The following CTNNB1 variants were observed in gnomAD, a reference collection of about 807,000 sequenced individuals.
CTNNB1 encodes catenin beta 1, also known as catenin beta-1.
CTNNB1 carries 6 observed loss-of-function variants against 82.5 expected under a neutral mutation model. The observed-to-expected ratio is 0.07, with a 90% CI of 0.04 to 0.14. The LOEUF is 0.14. CTNNB1 is among the 10% of genes least tolerant of loss of function. The pLI, the probability that CTNNB1 is intolerant of heterozygous loss-of-function variation, is 1.00. For missense variants in CTNNB1, 529 were observed against 980.4 expected (o/e 0.54, Z 6.15); for synonymous variants, 312 against 329.7 (o/e 0.95, Z 0.58).
chr3:41,230,687 G>A (rs1305152856), intron 7 of CTNNB1, among the ~76,000 whole-genome samples: 1 of 152,140 alleles, frequency 6.6e-6, no homozygotes, highest in African/African-American at 2.4e-5. Context: ...AGGTCTCCTT[G>A]AAAAGGGGAT....
intron 1 of CTNNB1, among the ~76,000 whole-genome samples, chr3:41,213,361 C>CT (rs1181601212): frequency 2.0e-5 from 3 of 152,192 alleles, no homozygotes; most frequent in Non-Finnish European, 2.9e-5. Context: ...TTTGACCACT[C>CT]TAAGTGGGCC....
intron 1 of CTNNB1, among the ~76,000 whole-genome samples, chr3:41,218,029 T>G (rs1484892825): frequency 6.6e-6 from 1 of 152,216 alleles, no homozygotes; most frequent in African/African-American, 2.4e-5. Flanking sequence ...CGACTCATGC[T>G]TAATCAGTTC....
At chr3:41,238,864 G>A (rs2078503889) in intron 14 of CTNNB1, among the ~76,000 whole-genome samples, 1 of 152,186 alleles carries the variant, frequency 6.6e-6, no homozygotes, top group Admixed American at 6.5e-5. Context: ...AGAGTGTTCA[G>A]GGTTAGACTA....
At chr3:41,216,478 T>G (rs1369738131) in intron 1 of CTNNB1, among the ~76,000 whole-genome samples, 1 of 152,252 alleles carries the variant, frequency 6.6e-6, no homozygotes, top group African/African-American at 2.4e-5. Context: ...ACATGTAAAG[T>G]GACATTTGCT....
At chr3:41,220,378 A>ACACACCCACACCCACACC (rs771827410) in intron 1 of CTNNB1, among the ~76,000 whole-genome samples, 2 of 145,760 alleles carry the variant, frequency 1.4e-5, no homozygotes, top group African/African-American at 2.7e-5. Flanking sequence ...TTGAGAACAC[A>ACACACCCACACCCACACC]CACACCCACA....
chr3:41,210,189 C>A (rs912116326), intron 1 of CTNNB1, among the ~76,000 whole-genome samples: 1 of 152,090 alleles, frequency 6.6e-6, no homozygotes, highest in Non-Finnish European at 1.5e-5. Flanking sequence ...CGCGGTGGCT[C>A]ACGCCTGTAA....
intron 7 of CTNNB1, among the ~76,000 whole-genome samples, chr3:41,232,249 T>C (rs1332669430): frequency 1.3e-5 from 2 of 152,036 alleles, no homozygotes; most frequent in Admixed American, 1.3e-4. Flanking sequence ...TTAATAGTTA[T>C]GTAAAGGGAG....
chr3:41,215,885 GT>G (rs1229480304), intron 1 of CTNNB1, among the ~76,000 whole-genome samples: 6 of 152,076 alleles, frequency 3.9e-5, no homozygotes, highest in Non-Finnish European at 7.4e-5. Flanking sequence ...AGTATTAAAA[GT>G]TTTTTTGGGC....
At position 41,225,547 on chromosome 3, in the gene CTNNB1, A is replaced by G. The variant is rs758889881; in HGVS notation, c.709A>G (p.Ile237Val). The G allele has an allele frequency of 6.2e-7, 1 of 1,614,138 alleles. No homozygotes were observed. The highest frequency in any genetic ancestry group is 8.5e-7 in the Non-Finnish European group (1 of 1,180,000). The part of the protein sequence containing the change: ...GLLAIFKSGG[I>V]PALVKMLGSP... ...ACTGGCCATCTTTAAGTCTGGAGGC[A>G]TTCCTGCCCTGGTGAAAATGCTTGG... is the stretch of plus-strand genomic sequence containing the variant. Residue 237 changes from isoleucine to valine, a missense_variant, in exon 5 of 15, where the codon ATT becomes GTT. Ile to Val is a conservative substitution (Grantham distance 29). Coordinates refer to ENST00000349496, the MANE Select transcript of CTNNB1 (RefSeq NM_001904.4). The surrounding 1 kb of genome is among the most constrained non-coding windows in gnomAD (Gnocchi z 5.3).
intron 13 of CTNNB1, chr3:41,237,380 G>A (rs909443574): frequency 1.3e-5 from 2 of 151,112 alleles, no homozygotes; most frequent in African/African-American, 5.0e-5. Flanking sequence ...GGGAGACGGG[G>A]GCAGGAGGAT....
intron 1 of CTNNB1, among the ~76,000 whole-genome samples, chr3:41,217,359 G>A (rs1338531778): frequency 6.6e-6 from 1 of 152,100 alleles, no homozygotes; most frequent in African/African-American, 2.4e-5. Flanking sequence ...TTCCCTAACA[G>A]TAGAATATAA....
intron 13 of CTNNB1, 50 bp from the exon 14 acceptor site, chr3:41,237,966 A>C (rs371743318): frequency 4.5e-6 from 7 of 1,539,462 alleles, no homozygotes; most frequent in Non-Finnish European, 6.3e-6. Context: ...TACTTTTGAG[A>C]ATTTTCATTT....
At chr3:41,235,978 T>G (rs2078426052) in intron 11 of CTNNB1, 135 bp downstream of exon 11, 2 of 1,171,192 alleles carry the variant, frequency 1.7e-6, no homozygotes, top group African/African-American at 3.0e-5. Context: ...CCTACATTTT[T>G]TGGTCAGTAA....
Position 41,239,399 on chromosome 3 carries a change from T to A in CTNNB1, c.*57T>A. On this transcript the variant is annotated 3_prime_UTR_variant, in exon 15 of 15. Transcript: ENST00000349496. ...CAGTTTGGGTAAAATACTTTTACTC[T>A]GCCTACAGAACTTCAGAAAGACTTG... 1 of 1,469,248 alleles carries A rather than the reference T, an allele frequency of 6.8e-7. No homozygotes were observed. Among genetic ancestry groups the A allele is most frequent in the Non-Finnish European group, 9.4e-7 (1 of 1,065,572 alleles). 91.0% of individuals were successfully genotyped at this position (1,469,248 alleles called of 1,614,324 possible).
At chr3:41,228,753 T>C (rs1161663166) in intron 7 of CTNNB1, among the ~76,000 whole-genome samples, 1 of 152,208 alleles carries the variant, frequency 6.6e-6, no homozygotes, top group Non-Finnish European at 1.5e-5. Flanking sequence ...TCAGTTTTTG[T>C]TTTTGTTGCA....
At chr3:41,218,524 T>A (rs571444965) in intron 1 of CTNNB1, among the ~76,000 whole-genome samples, 77 of 152,312 alleles carry the variant, frequency 5.1e-4, no homozygotes, top group Non-Finnish European at 1.0e-3. Flanking sequence ...AATTGTGATA[T>A]GGCCAGTTTT....
intron 2 of CTNNB1, 46 bp downstream of exon 2, chr3:41,224,127 G>A (rs777295717): frequency 5.6e-6 from 9 of 1,610,814 alleles, no homozygotes; most frequent in Non-Finnish European, 7.6e-6. Context: ...GCTCTGCTTC[G>A]TTGCCATTAA....
At chr3:41,224,112 T>A (rs746112994) in intron 2 of CTNNB1, 31 bp downstream of exon 2, 12 of 1,613,424 alleles carry the variant, frequency 7.4e-6, no homozygotes, top group Non-Finnish European at 1.0e-5. Context: ...AGTTACTGAA[T>A]TGGGGCTCTG....
At position 41,238,012 on chromosome 3, in the gene CTNNB1, C is replaced by T. The variant is rs374101265; in HGVS notation, c.2077-4C>T. On this transcript the variant is annotated splice_region_variant and splice_polypyrimidine_tract_variant and intron_variant, in intron 13 of 14. Transcript: ENST00000349496. ...TCTTCCTTGCTTTGTGCATGTTTAT[C>T]TAGACTGCTGATCTTGGACTTGATA... The T allele has an allele frequency of 5.6e-6, 9 of 1,613,390 alleles. No individual in the cohort carries two copies. Among genetic ancestry groups the T allele is most frequent in the Non-Finnish European group, 7.6e-6 (9 of 1,179,376 alleles).
Sources: allele counts gnomAD v4.1 joint callset (sites outside exome capture counted in the v4.1 genomes callset), GRCh38; gene constraint gnomAD v4.1.1; non-coding constraint Gnocchi (gnomAD v3.1); transcripts MANE v1.5; gene names NCBI Gene and HGNC (gene_info 2026-07-23, HGNC 2026-07-21).